The following SLC39A10 variants were observed in gnomAD, a reference collection of about 807,000 sequenced individuals.
SLC39A10 encodes the protein solute carrier family 39 member 10, also known as zinc transporter ZIP10.
In SLC39A10, 13 loss-of-function variants were observed where a neutral mutation model predicts 65.1. That is an observed-to-expected ratio of 0.20 (90% CI 0.13 to 0.32). SLC39A10 has a LOEUF of 0.32. SLC39A10 is among the 10% of genes least tolerant of loss of function. The pLI is 1.00. For missense variants in SLC39A10, 831 were observed against 1,018.4 expected, an observed-to-expected ratio of 0.82 and a Z score of 2.50; for synonymous variants, 321 against 342.2, an observed-to-expected ratio of 0.94 and a Z score of 0.68.
upstream of SLC39A10, among the ~76,000 whole-genome samples, chr2:195,653,047 T>G (rs2105715285): frequency 6.6e-6 from 1 of 152,226 alleles, no homozygotes; most frequent in East Asian, 1.9e-4. Flanking sequence ...AAAAATTGTC[T>G]TCCAGGAAAC....
At chr2:195,674,362 C>T (rs530352892) in intron 1 of SLC39A10, among the ~76,000 whole-genome samples, 200 of 152,172 alleles carry the variant, frequency 1.3e-3, no homozygotes, top group African/African-American at 4.7e-3. Context: ...ACTGCAACCT[C>T]CGCCTCCTGA....
chr2:195,674,814 A>T (rs1028378193), intron 1 of SLC39A10, among the ~76,000 whole-genome samples: 15 of 138,748 alleles, frequency 1.1e-4, no homozygotes, highest in Non-Finnish European at 2.4e-4. Context: ...TAGGCTACAA[A>T]CCTGTTGATA....
At chr2:195,619,092 CAAAAAAAAAAA>C (rs66627464) in intron 2 of SLC39A10, among the ~76,000 whole-genome samples, 1 of 69,656 alleles carries the variant, frequency 1.4e-5, no homozygotes, top group Non-Finnish European at 2.6e-5. Flanking sequence ...GACTCTGTCT[CAAAAAAAAAAA>C]AAAAAAAAAA....
intron 8 of SLC39A10, among the ~76,000 whole-genome samples, chr2:195,727,236 A>T (rs139321408): frequency 1.8e-3 from 272 of 152,284 alleles, no homozygotes; most frequent in African/African-American, 6.4e-3. Flanking sequence ...GGATCCTTAG[A>T]AAAAGCATTT....
chr2:195,718,468 C>T, intron 8 of SLC39A10, 136 bp downstream of exon 8: 1 of 541,652 alleles, frequency 1.8e-6, no homozygotes, highest in Non-Finnish European at 3.3e-6. Flanking sequence ...TTGTAAGATA[C>T]TTCATGATGT....
chr2:195,650,242 A>G (rs1258845873), intron 2 of SLC39A10, among the ~76,000 whole-genome samples: 2 of 150,426 alleles, frequency 1.3e-5, no homozygotes, highest in Non-Finnish European at 3.0e-5. Context: ...AGATCCCACC[A>G]CTGCACTCCA....
intron 3 of SLC39A10, among the ~76,000 whole-genome samples, chr2:195,705,570 GAA>G (rs767238286): frequency 6.6e-6 from 1 of 152,060 alleles, no homozygotes; most frequent in Non-Finnish European, 1.5e-5. Context: ...TTATTTTGAT[GAA>G]GAGATGTATT....
At chr2:195,733,845 C>T (rs893497844) in intron 9 of SLC39A10, among the ~76,000 whole-genome samples, 4 of 152,086 alleles carry the variant, frequency 2.6e-5, no homozygotes, top group African/African-American at 9.7e-5. Flanking sequence ...ATAAACTTTT[C>T]AAAGCACTGT....
chr2:195,642,239 C>T (rs1010674258), intron 2 of SLC39A10, among the ~76,000 whole-genome samples: 4 of 151,924 alleles, frequency 2.6e-5, no homozygotes, highest in Admixed American at 6.6e-5. Context: ...CCTTAACCAG[C>T]GGAGTAACTT....
At chr2:195,689,625 A>G (rs1020603404) in intron 3 of SLC39A10, among the ~76,000 whole-genome samples, 3 of 152,190 alleles carry the variant, frequency 2.0e-5, no homozygotes, top group African/African-American at 7.2e-5. Flanking sequence ...AAATACATTC[A>G]TAATGTTACA....
chr2:195,670,051 C>G (rs1007116359), intron 1 of SLC39A10, among the ~76,000 whole-genome samples: 1 of 151,680 alleles, frequency 6.6e-6, no homozygotes, highest in East Asian at 1.9e-4. Flanking sequence ...CCCAGCTACT[C>G]GGGAGGCTGA....
rs1021311517 is a variant in SLC39A10, at chr2:195,680,295, C to G, written c.253C>G (p.Leu85Val). 2 of 1,614,000 alleles carry G rather than the reference C, an allele frequency of 1.2e-6. No homozygotes were observed. Among genetic ancestry groups the G allele is most frequent in the East Asian group, 2.2e-5 (1 of 44,886 alleles). Residue 85 changes from leucine to valine, a missense_variant, in exon 2 of 10, where the codon CTT becomes GTT. Physicochemically the swap from Leu to Val is conservative, Grantham distance 32. Coordinates refer to ENST00000359634, the MANE Select transcript of SLC39A10 (RefSeq NM_020342.3). ...ATTATCCTTTTTTGGTTTGGAGAAA[C>G]TTTTAACAAACTTGGGCCTTGGAGA... Reference protein sequence around the residue: ...GRLSFFGLEKLLTNLGLGERK... With the variant: ...GRLSFFGLEKVLTNLGLGERK...
chr2:195,618,583 C>G (rs149490658), intron 2 of SLC39A10, among the ~76,000 whole-genome samples: 192 of 152,278 alleles, frequency 1.3e-3, no homozygotes, highest in African/African-American at 4.2e-3. Context: ...TTTTTCATGG[C>G]ACTTTTCCTT....
intron 2 of SLC39A10, among the ~76,000 whole-genome samples, chr2:195,649,407 T>G (rs1043609858): frequency 6.6e-6 from 1 of 152,234 alleles, no homozygotes; most frequent in African/African-American, 2.4e-5. Flanking sequence ...GTAAGCAGTA[T>G]TTGCTAAGAC....
At chr2:195,700,598 G>A (rs1218601467) in intron 3 of SLC39A10, among the ~76,000 whole-genome samples, 1 of 152,182 alleles carries the variant, frequency 6.6e-6, no homozygotes, top group Non-Finnish European at 1.5e-5. Flanking sequence ...TACAGGGCAA[G>A]TCTAGTGGCA....
Position 195,728,711 on chromosome 2 carries a change from G to A in SLC39A10, c.2337+362G>A, listed in dbSNP as rs1692329226. Among the ~76,000 whole-genome samples, 1 of 152,068 alleles carries A rather than the reference G, an allele frequency of 6.6e-6. No homozygotes were observed. The highest frequency in any genetic ancestry group is 1.5e-5 in the Non-Finnish European group (1 of 68,014). ...CAAACAGGAGAGAAATACTATTCCT[G>A]TTAGGTAAGCCAGTCTTCTGGAAGG... On this transcript the variant is annotated intron_variant, in intron 9 of 9. Coordinates refer to ENST00000359634, the MANE Select transcript of SLC39A10 (RefSeq NM_020342.3). This position sits in a 1 kb window ranked among gnomAD's most constrained non-coding sequence, Gnocchi z 4.4.
At chr2:195,718,157 T>C in intron 7 of SLC39A10, 95 bp from the exon 8 acceptor site, 1 of 979,812 alleles carries the variant, frequency 1.0e-6, no homozygotes, top group Non-Finnish European at 1.5e-6. Flanking sequence ...AAGAAATTAA[T>C]TTAGATAGGC....
At chr2:195,651,840 G>A (rs1689038084), upstream of SLC39A10, among the ~76,000 whole-genome samples, 1 of 152,126 alleles carries the variant, frequency 6.6e-6, no homozygotes, top group Non-Finnish European at 1.5e-5. Context: ...CATTGGTACA[G>A]CAATATAATT....
rs1398035971 is a variant in SLC39A10 at position 195,736,179 on chromosome 2, C to T, written c.*1138C>T. 1 of 152,800 alleles carries T rather than the reference C, an allele frequency of 6.5e-6. No individual in the cohort carries two copies. The highest frequency in any genetic ancestry group is 1.9e-4 in the East Asian group (1 of 5,198). The allele number at this position is 152,800 out of a possible 1,614,324, so 9.5% of individuals were successfully genotyped here. A position where few individuals can be genotyped will look rare whatever the true frequency, so the allele number is the denominator to read the frequency against. The stretch of plus-strand genomic sequence containing the variant: ...TGACTTGGAAGATGCATTTAAATTA[C>T]TCAGCTGAAATCACTTGATCATCTT... On this transcript the variant is annotated 3_prime_UTR_variant, in exon 10 of 10. Coordinates refer to ENST00000359634, the MANE Select transcript of SLC39A10 (RefSeq NM_020342.3).
Sources: gnomAD v4.1 joint callset for allele counts (sites outside exome capture counted in the v4.1 genomes callset) on GRCh38, gnomAD v4.1.1 for gene constraint, Gnocchi (gnomAD v3.1) non-coding constraint, MANE v1.5 for transcripts, NCBI Gene and HGNC (gene_info 2026-07-23, HGNC 2026-07-21) for gene names.